Variants in SMC2 observed in about 807,000 individuals in gnomAD.
SMC2 encodes structural maintenance of chromosomes 2.
Under a neutral mutation model 142.6 loss-of-function variants are expected in SMC2, and 41 were observed. That is an observed-to-expected ratio of 0.29 (90% CI 0.22 to 0.37). The LOEUF (loss-of-function observed/expected upper bound fraction) is 0.37. SMC2 is among the 10% of genes least tolerant of loss of function. SMC2 has a pLI of 1.00. For missense variants in SMC2, 1,265 were observed against 1,373.7 expected, an observed-to-expected ratio of 0.92 and a Z score of 1.25; for synonymous variants, 463 against 457.5, an observed-to-expected ratio of 1.01 and a Z score of -0.15.
At position 104,139,768 on chromosome 9, in the gene SMC2, A is replaced by T. The variant is rs73665522; in HGVS notation, c.*453A>T. ...GTAACTGGACCAACAAAGGGAACACATATAAAGCTATTATGCATGCATGGA... is the reference window on the plus strand; with the variant it reads ...GTAACTGGACCAACAAAGGGAACACTTATAAAGCTATTATGCATGCATGGA... On this transcript the variant is annotated 3_prime_UTR_variant, in exon 25 of 25. Transcript: ENST00000374793. 0.016 allele frequency: 2,446 copies of T among 154,954 alleles called. 88 individuals are homozygous for T. Among genetic ancestry groups the T allele is most frequent in the African/African-American group, 0.056 (2,321 of 41,552 alleles). 9.6% of individuals were successfully genotyped at this position (154,954 alleles called of 1,614,324 possible).
rs766433128 is a variant in SMC2 at position 104,096,248 on chromosome 9, A to T, written c.269A>T (p.Gln90Leu). ...SITFDNSDKK[Q>L]SPLGFEVHDE... ...ACTTTTGATAATTCTGACAAAAAGC[A>T]AAGTCCTTTAGGATTTGAGGTTCAT... The change falls in exon 3 of 25, where the codon CAA (glutamine) becomes CTA (leucine). Residue 90 changes from glutamine (Q) to leucine (L), a missense_variant. Coordinates refer to ENST00000374793, the MANE Select transcript of SMC2 (RefSeq NM_006444.3). 3.1e-6 allele frequency: 5 copies of T among 1,614,210 alleles called. No individual in the cohort carries two copies. In the Admixed American group the frequency reaches 8.3e-5, roughly 27 times the overall value.
At chr9:104,116,060 T>C in intron 13 of SMC2, 140 bp from the exon 14 acceptor site, 1 of 625,972 alleles carries the variant, frequency 1.6e-6, no homozygotes, top group East Asian at 3.4e-5. Context: ...GTTCAAATGA[T>C]GTTCCATTGC....
rs201880531 is a variant in SMC2 at position 104,111,723 on chromosome 9, C to G, written c.1163C>G (p.Ser388Cys). Residue 388 changes from serine to cysteine, a missense_variant, in exon 10 of 25, where the codon TCC becomes TGC. This residue lies in a region of SMC2 where 898 missense variants were observed against 904.2 expected (regional missense o/e 0.99). Coordinates refer to ENST00000374793, the MANE Select transcript of SMC2 (RefSeq NM_006444.3). Reference protein sequence around the residue: ...QHFNAVSAGLSSNEDGAEATL... With the variant: ...QHFNAVSAGLCSNEDGAEATL... Reference sequence around the variant, plus strand: ...TTCAATGCTGTTTCCGCTGGCCTGTCCAGTAATGAAGATGGAGCAGAAGCA... The same window carrying G: ...TTCAATGCTGTTTCCGCTGGCCTGTGCAGTAATGAAGATGGAGCAGAAGCA... 1 of 1,613,962 alleles carries G rather than the reference C, an allele frequency of 6.2e-7. No individual in the cohort carries two copies. The highest frequency in any genetic ancestry group is 1.3e-5 in the African/African-American group (1 of 75,016).
Position 104,102,136 on chromosome 9 carries a change from TAAAAAA to T in SMC2, c.815_820del (p.Lys272_Lys273del). 1 of 1,588,250 alleles carries T rather than the reference TAAAAAA, an allele frequency of 6.3e-7. No individual in the cohort carries two copies. Among genetic ancestry groups the T allele is most frequent in the Non-Finnish European group, 8.6e-7 (1 of 1,159,706 alleles). ...TTCAGGAAGAATTGTCTGAGAATGA[TAAAAAA>T]ATAAAAGCACTTAATCATGAAATAG... On this transcript the variant is annotated inframe_deletion, in exon 8 of 25. Coordinates refer to ENST00000374793, the MANE Select transcript of SMC2 (RefSeq NM_006444.3).
chr9:104,100,204 G>A lies in SMC2; in HGVS notation c.591+1G>A. 1.3e-6 allele frequency: 2 copies of A among 1,513,184 alleles called. No homozygotes were observed. The highest frequency in any genetic ancestry group is 1.2e-5 in the South Asian group (1 of 80,938). 93.7% of individuals were successfully genotyped at this position (1,513,184 alleles called of 1,614,324 possible). A position where few individuals can be genotyped will look rare whatever the true frequency, so the allele number is the denominator to read the frequency against. On this transcript the variant is annotated splice_donor_variant, in intron 6 of 24. Coordinates refer to ENST00000374793, the MANE Select transcript of SMC2 (RefSeq NM_006444.3). LOFTEE classifies it high-confidence loss of function. Reference sequence around the variant, plus strand: ...GGCTAAGCTGAAAGAAATTAAGACGGTAATTTAATTCATATAAAATATTTT... The same window carrying A: ...GGCTAAGCTGAAAGAAATTAAGACGATAATTTAATTCATATAAAATATTTT...
At chr9:104,100,272 G>C in intron 6 of SMC2, 69 bp downstream of exon 6, 1 of 1,407,862 alleles carries the variant, frequency 7.1e-7, no homozygotes, top group Non-Finnish European at 9.7e-7. Flanking sequence ...TTGCTGTAAA[G>C]AGGGAAAAAT....
chr9:104,136,327 TTTA>T (rs1326862240), intron 23 of SMC2, among the ~76,000 whole-genome samples: 3 of 152,000 alleles, frequency 2.0e-5, no homozygotes, highest in South Asian at 2.1e-4. Flanking sequence ...AGAAATATAT[TTTA>T]TTTATATTTT....
upstream of SMC2, chr9:104,094,183 C>T (rs1386034463): frequency 2.6e-6 from 1 of 391,564 alleles, no homozygotes; most frequent in East Asian, 3.6e-5. Context: ...GACTCTCATT[C>T]TATTGCCCTG....
rs374985890 is a variant in SMC2, at chr9:104,096,102, C to T, written c.169-46C>T. On this transcript the variant is annotated intron_variant, in intron 2 of 24. Coordinates refer to ENST00000374793, the MANE Select transcript of SMC2 (RefSeq NM_006444.3). Reference sequence around the variant, plus strand: ...GACCCATTTTTAGTGCTGCTTTGTACGGTAGGGAGTTTTGTAATTGTTACA... The same window carrying T: ...GACCCATTTTTAGTGCTGCTTTGTATGGTAGGGAGTTTTGTAATTGTTACA... The T allele has an allele frequency of 1.2e-5, 19 of 1,571,592 alleles. No homozygotes were observed. The African/African-American group carries it at 1.9e-4, about 16-fold the overall frequency.
chr9:104,139,582 T>C lies in SMC2; in HGVS notation c.*267T>C, dbSNP rs888081849. ...ATGCGGGTCTTTTATATATTAGGGA[T>C]CCTGAGATACCCGATTCTATATGTA... On this transcript the variant is annotated 3_prime_UTR_variant, in exon 25 of 25. Transcript: ENST00000374793. 2 of 270,484 alleles carry C rather than the reference T, an allele frequency of 7.4e-6. No individual in the cohort carries two copies. Among genetic ancestry groups the C allele is most frequent in the Admixed American group, 5.5e-5 (1 of 18,048 alleles). The allele number at this position is 270,484 out of a possible 1,614,324, so 16.8% of individuals were successfully genotyped here. A position where few individuals can be genotyped will look rare whatever the true frequency, so the allele number is the denominator to read the frequency against.
At chr9:104,101,566 C>T (rs1220908077) in intron 7 of SMC2, among the ~76,000 whole-genome samples, 2 of 152,186 alleles carry the variant, frequency 1.3e-5, no homozygotes, top group African/African-American at 2.4e-5. Flanking sequence ...TTATGGGAGT[C>T]GTGTTTAGTA....
Position 104,138,286 on chromosome 9 carries a change from A to G in SMC2, c.3417+121A>G, listed in dbSNP as rs1216870948. On this transcript the variant is annotated intron_variant, in intron 24 of 24. Transcript: ENST00000374793. ...GGGTTGATAAATACTAAAGCATTGT[A>G]TATCTATTTAAATAGACTTATGTTT... The G allele has an allele frequency of 1.9e-5, 14 of 736,432 alleles. No homozygotes were observed. In the South Asian group the frequency reaches 3.2e-4, roughly 17 times the overall value. 45.6% of individuals were successfully genotyped at this position (736,432 alleles called of 1,614,324 possible).
Position 104,139,379 on chromosome 9 carries a change from TA to T in SMC2, c.*66del. 12 of 1,339,850 alleles carry T rather than the reference TA, an allele frequency of 9.0e-6. No individual in the cohort carries two copies. The highest frequency in any genetic ancestry group is 1.2e-5 in the Non-Finnish European group (12 of 981,124). The allele number at this position is 1,339,850 out of a possible 1,614,324, so 83.0% of individuals were successfully genotyped here. On this transcript the variant is annotated 3_prime_UTR_variant, in exon 25 of 25. Transcript: ENST00000374793. Reference sequence around the variant, plus strand: ...AATGTAAACTTTTAAGGACTTGAGATAACTAATTTGTTTATATACAAAAATT... The same window carrying T: ...AATGTAAACTTTTAAGGACTTGAGATACTAATTTGTTTATATACAAAAATT...
chr9:104,106,685 G>T (rs1020606926), intron 9 of SMC2, among the ~76,000 whole-genome samples: 1 of 152,100 alleles, frequency 6.6e-6, no homozygotes, highest in East Asian at 1.9e-4. Context: ...GAACCACCGC[G>T]CCTGGTCCAC....
At position 104,094,410 on chromosome 9, in the gene SMC2, T is replaced by G. The variant is rs10820599; in HGVS notation, c.-129T>G. 0.54 allele frequency: 216,550 copies of G among 398,396 alleles called. 62,197 individuals are homozygous for G. Among genetic ancestry groups the G allele is most frequent in the African/African-American group, 0.68 (33,220 of 48,576 alleles). The allele number at this position is 398,396 out of a possible 1,614,324, so 24.7% of individuals were successfully genotyped here. ...TGTAGCGGCCCCGGCTAGAGAGTTGTTCTGTTCCCTGCCTTTGTGACCCGG... is the reference window on the plus strand; with the variant it reads ...TGTAGCGGCCCCGGCTAGAGAGTTGGTCTGTTCCCTGCCTTTGTGACCCGG... On this transcript the variant is annotated 5_prime_UTR_variant, in exon 1 of 25. Coordinates refer to ENST00000374793, the MANE Select transcript of SMC2 (RefSeq NM_006444.3).
At chr9:104,110,487 C>CT (rs993485556) in intron 9 of SMC2, among the ~76,000 whole-genome samples, 2 of 151,996 alleles carry the variant, frequency 1.3e-5, no homozygotes, top group African/African-American at 4.8e-5. Flanking sequence ...ATTGGTAAGG[C>CT]TTTGGTTAAC....
intron 10 of SMC2, among the ~76,000 whole-genome samples, chr9:104,112,998 T>G (rs1832662557): frequency 6.6e-6 from 1 of 152,146 alleles, no homozygotes; most frequent in South Asian, 2.1e-4. Context: ...TTTCTAGCGT[T>G]CTTTTTTTAA....
rs575635074 is a variant in SMC2 at position 104,111,531 on chromosome 9, G to A, written c.1021-50G>A. 27 of 1,191,518 alleles carry A rather than the reference G, an allele frequency of 2.3e-5. 1 individual carries two copies. In the East Asian group the frequency reaches 3.6e-4, roughly 16 times the overall value. 73.8% of individuals were successfully genotyped at this position (1,191,518 alleles called of 1,614,324 possible). A position where few individuals can be genotyped will look rare whatever the true frequency, so the allele number is the denominator to read the frequency against. ...ATAAGGGTATGCGTATAAGAAAGTG[G>A]GTGTTTTTCCTGAAATATAATATTT... On this transcript the variant is annotated intron_variant, in intron 9 of 24. Transcript: ENST00000374793.
At chr9:104,103,366 A>G (rs1385355015) in intron 9 of SMC2, among the ~76,000 whole-genome samples, 3 of 152,178 alleles carry the variant, frequency 2.0e-5, no homozygotes, top group Non-Finnish European at 2.9e-5. Flanking sequence ...AGTTTTCTGA[A>G]AGAGGGATAA....
Sources: gnomAD v4.1 joint callset for allele counts (sites outside exome capture counted in the v4.1 genomes callset) on GRCh38, gnomAD v4.1.1 for gene constraint, gnomAD v4.1.1 regional missense constraint, MANE v1.5 for transcripts, NCBI Gene and HGNC (gene_info 2026-07-23, HGNC 2026-07-21) for gene names.